KRT8: variants seen among roughly 807,000 people sequenced by gnomAD.
The protein encoded by KRT8 is keratin 8.
Under a neutral mutation model 43.0 loss-of-function variants are expected in KRT8, and 24 were observed. The ratio of observed to expected loss-of-function variants is 0.56; its 90% CI spans 0.40 to 0.78. The LOEUF (loss-of-function observed/expected upper bound fraction) is 0.78, where lower values mean the gene tolerates loss of function less well. KRT8 is among the 30% of genes least tolerant of loss of function. KRT8 has a pLI of 0.00. For synonymous variants in KRT8, 214 were observed against 261.2 expected (o/e 0.82, Z 1.74); for missense variants, 492 against 638.4 (o/e 0.77, Z 2.47).
intron 2 of KRT8, among the ~76,000 whole-genome samples, chr12:52,924,864 G>A (rs1325874189): frequency 6.6e-6 from 1 of 152,204 alleles, no homozygotes; most frequent in Non-Finnish European, 1.5e-5. Flanking sequence ...ACGCACAGAG[G>A]AGCATCCTCT....
At chr12:52,918,062 GGAGAA>G in intron 2 of KRT8, among the ~76,000 whole-genome samples, 1 of 141,510 alleles carries the variant, frequency 7.1e-6, no homozygotes, top group East Asian at 2.1e-4. Context: ...GGAAGAAGAA[GGAGAA>G]GAAGAAGAGG....
chr12:52,918,206 A>G (rs868641223), intron 2 of KRT8, among the ~76,000 whole-genome samples: 18 of 81,882 alleles, frequency 2.2e-4, no homozygotes, highest in South Asian at 7.9e-4. Flanking sequence ...GAAGAAGAAC[A>G]AGAAGAAGAA....
intron 2 of KRT8, among the ~76,000 whole-genome samples, chr12:52,913,715 C>T (rs1941679391): frequency 1.3e-5 from 2 of 152,298 alleles, no homozygotes; most frequent in Non-Finnish European, 2.9e-5. Context: ...AGGTGCAGTA[C>T]CACCTCACAT....
At chr12:52,900,661 T>C (rs1941345460) in exon 4 of KRT8, 1 of 1,613,060 alleles carries the variant, frequency 6.2e-7, no homozygotes, top group Non-Finnish European at 8.5e-7. Flanking sequence ...CTCTACCTTG[T>C]TCATGTAAGC....
chr12:52,900,575 A>G lies in KRT8; in HGVS notation c.690+13T>C, dbSNP rs780580504. 6.0e-5 allele frequency: 94 copies of G among 1,577,182 alleles called. 1 individual carries two copies. The highest frequency in any genetic ancestry group is 7.6e-5 in the Non-Finnish European group (87 of 1,148,206). On this transcript the variant is annotated intron_variant, in intron 4 of 7. Transcript: ENST00000692008. ...GCTGGGGGACCCTCACTCTCCTGCG[A>G]CCAGGAACATACCTCTTCATATAGC... is the stretch of plus-strand genomic sequence containing the variant.
intron 2 of KRT8, among the ~76,000 whole-genome samples, chr12:52,921,935 G>C (rs916742889): frequency 1.4e-4 from 22 of 152,004 alleles, no homozygotes; most frequent in African/African-American, 5.3e-4. Context: ...GAAGGCCAAA[G>C]TGGGAGGATG....
At chr12:52,901,826 C>A in intron 2 of KRT8, 38 bp downstream of exon 2, 1 of 1,426,056 alleles carries the variant, frequency 7.0e-7, no homozygotes, top group South Asian at 1.1e-5. Flanking sequence ...GAGGAGAGCA[C>A]GGTGACTTCA....
At chr12:52,949,100 G>A (rs1942408299) in intron 2 of KRT8, 4 of 1,430,402 alleles carry the variant, frequency 2.8e-6, no homozygotes, top group Admixed American at 3.4e-5. Context: ...TATAACTCGG[G>A]TCGCGCGGCT....
intron 2 of KRT8, among the ~76,000 whole-genome samples, chr12:52,942,888 C>T (rs1942289318): frequency 6.6e-6 from 1 of 152,038 alleles, no homozygotes; most frequent in Non-Finnish European, 1.5e-5. Flanking sequence ...GCCTCTGCCA[C>T]ACGCTTCTGA....
At chr12:52,925,288 C>A (rs1941967568) in intron 2 of KRT8, among the ~76,000 whole-genome samples, 1 of 152,148 alleles carries the variant, frequency 6.6e-6, no homozygotes, top group South Asian at 2.1e-4. Context: ...GAGCCATAAA[C>A]CTTATCTCCT....
At chr12:52,937,242 G>T (rs2120716636) in intron 2 of KRT8, among the ~76,000 whole-genome samples, 1 of 151,940 alleles carries the variant, frequency 6.6e-6, no homozygotes, top group South Asian at 2.1e-4. Flanking sequence ...GTGGCAGCAT[G>T]CACCTGTAAT....
In KRT8 at chr12:52,901,589, T is replaced by C. The variant is rs1043880178; in HGVS notation, c.533+275A>G. ...AAGTGAGGCCCACAGGCTGCCTATC[T>C]CTCCCGTCTCAGGTTTACCATGTCA... On this transcript the variant is annotated intron_variant, in intron 2 of 7. Transcript: ENST00000692008. The C allele has an allele frequency of 5.2e-6, 3 of 574,248 alleles. No homozygotes were observed. In the African/African-American group the frequency reaches 5.6e-5, roughly 11 times the overall value. The allele number at this position is 574,248 out of a possible 1,614,324, so 35.6% of individuals were successfully genotyped here. A position where few individuals can be genotyped will look rare whatever the true frequency, so the allele number is the denominator to read the frequency against.
intron 1 of KRT8, among the ~76,000 whole-genome samples, chr12:52,903,851 C>T (rs1454608451): frequency 1.2e-4 from 15 of 129,788 alleles, no homozygotes; most frequent in African/African-American, 3.8e-4. Flanking sequence ...TCCTCCACCC[C>T]ACCCCAGCCC....
exon 1 of KRT8, chr12:52,904,844 A>C: frequency 6.2e-7 from 1 of 1,612,654 alleles, no homozygotes; most frequent in South Asian, 1.1e-5. Flanking sequence ...GGCCACCGCG[A>C]AAGTTGCTGC....
intron 2 of KRT8, chr12:52,947,058 T>C (rs1942355627): frequency 6.6e-6 from 1 of 152,526 alleles, no homozygotes; most frequent in East Asian, 1.9e-4. Flanking sequence ...TAAGAATCAA[T>C]AGGTCCACTC....
chr12:52,938,151 TATATATATATATA>T (rs1942201247), intron 2 of KRT8, among the ~76,000 whole-genome samples: 2 of 36,556 alleles, frequency 5.5e-5, no homozygotes, highest in Non-Finnish European at 1.0e-4. Flanking sequence ...TATATATATA[TATATATATATATA>T]TATATATTTT....
chr12:52,900,030 T>C, exon 5 of KRT8: 1 of 1,612,730 alleles, frequency 6.2e-7, no homozygotes, highest in Non-Finnish European at 8.5e-7. Context: ...GCACCACAGA[T>C]GTGTCCGAGA....
chr12:52,931,199 C>T (rs1270309162), intron 2 of KRT8, among the ~76,000 whole-genome samples: 1 of 152,034 alleles, frequency 6.6e-6, no homozygotes, highest in East Asian at 1.9e-4. Context: ...TCCCGAGTAG[C>T]TGGGACTACA....
intron 2 of KRT8, among the ~76,000 whole-genome samples, chr12:52,918,182 A>AGG (rs1941800822): frequency 9.6e-6 from 1 of 104,414 alleles, no homozygotes; most frequent in African/African-American, 4.2e-5. Flanking sequence ...GAGGAAGAGG[A>AGG]AGAAGAAGAA....
Sources: gnomAD v4.1 joint callset for allele counts (sites outside exome capture counted in the v4.1 genomes callset) on GRCh38, gnomAD v4.1.1 for gene constraint, MANE v1.5 for transcripts, NCBI Gene and HGNC (gene_info 2026-07-23, HGNC 2026-07-21) for gene names.